The following SLC9A5 variants were observed in gnomAD, a reference collection of about 807,000 sequenced individuals.
The protein encoded by SLC9A5 is sodium/hydrogen exchanger 5.
In SLC9A5, 52 loss-of-function variants were observed where a neutral mutation model predicts 91.7. That is an observed-to-expected ratio of 0.57 (90% confidence interval 0.45 to 0.71). The LOEUF is 0.71. SLC9A5 is among the 30% of genes least tolerant of loss of function. SLC9A5 has a pLI of 0.00. For synonymous variants in SLC9A5, 419 were observed against 474.5 expected (o/e 0.88, Z 1.52); for missense variants, 871 against 1,158.9 (o/e 0.75, Z 3.61).
chr16:67,263,349 T>G (rs2035593063), intron 12 of SLC9A5: 1 of 152,042 alleles, frequency 6.6e-6, no homozygotes, highest in Non-Finnish European at 1.5e-5. Context: ...GACTTGGGAT[T>G]TGAGGCAAGA....
Position 67,257,445 on chromosome 16 carries a change from G to A in SLC9A5, c.1425+11G>A. On this transcript the variant is annotated intron_variant, in intron 8 of 15. Transcript: ENST00000299798. This position sits in a 1 kb window ranked among gnomAD's most constrained non-coding sequence, Gnocchi z 5.1. Reference sequence around the variant, plus strand: ...GAGCTGCATGAACACGTGGGTATCAGAACCCCAGCCCTCGCCTGTCCCTCT... The same window carrying A: ...GAGCTGCATGAACACGTGGGTATCAAAACCCCAGCCCTCGCCTGTCCCTCT... 6.2e-7 allele frequency: 1 copy of A among 1,614,016 alleles called. No homozygotes were observed. The highest frequency in any genetic ancestry group is 1.1e-5 in the South Asian group (1 of 91,076).
At chr16:67,259,281 A>AG (rs2035434980) in intron 10 of SLC9A5, among the ~76,000 whole-genome samples, 1 of 150,544 alleles carries the variant, frequency 6.6e-6, no homozygotes, top group South Asian at 2.1e-4. Context: ...AAAAAAAAAA[A>AG]AAAATCCGGG....
Position 67,255,950 on chromosome 16 carries a change from C to A in SLC9A5, c.911+20C>A. 4 of 1,608,258 alleles carry A rather than the reference C, an allele frequency of 2.5e-6. No homozygotes were observed. The highest frequency in any genetic ancestry group is 3.4e-6 in the Non-Finnish European group (4 of 1,176,988). On this transcript the variant is annotated intron_variant, in intron 5 of 15. Transcript: ENST00000299798. The surrounding 1 kb of genome is among the most constrained non-coding windows in gnomAD (Gnocchi z 4.9). ...TCTTGCGTGAGTTCTGGGGGCCTTG[C>A]AGGCAGATAGCTGGGAGGGGGCACT...
In SLC9A5 at chr16:67,270,588, G is replaced by A; in HGVS notation, c.2219-150G>A. ...GGGGATAGAGTGGAGAGTAAAACAA[G>A]CTGTGGTACTTCGCCTCAGCAAGAC... On this transcript the variant is annotated intron_variant, in intron 15 of 15. Transcript: ENST00000299798. The surrounding 1 kb of genome is among the most constrained non-coding windows in gnomAD (Gnocchi z 4.3). 1.7e-6 allele frequency: 1 copy of A among 601,212 alleles called. No individual in the cohort carries two copies. The allele number at this position is 601,212 out of a possible 1,614,324, so 37.2% of individuals were successfully genotyped here.
At chr16:67,269,375 T>C (rs945467190) in intron 15 of SLC9A5, among the ~76,000 whole-genome samples, 1 of 152,118 alleles carries the variant, frequency 6.6e-6, no homozygotes, top group African/African-American at 2.4e-5. Context: ...GAGACTGCAG[T>C]GAGCTGAGAT....
rs189607651 is a variant in SLC9A5, at chr16:67,254,886, C to G, written c.491-135C>G. The G allele has an allele frequency of 1.2e-4, 98 of 785,072 alleles. No homozygotes were observed. In the African/African-American group the frequency reaches 1.5e-3, roughly 12 times the overall value. The allele number at this position is 785,072 out of a possible 1,614,324, so 48.6% of individuals were successfully genotyped here. On this transcript the variant is annotated intron_variant, in intron 2 of 15. Coordinates refer to ENST00000299798, the MANE Select transcript of SLC9A5 (RefSeq NM_004594.3). Reference sequence around the variant, plus strand: ...CTCCTGATCTGCAGGCTAATGCTGTCTTTGCCATCCCAAGTCCTCTTTGGG... The same window carrying G: ...CTCCTGATCTGCAGGCTAATGCTGTGTTTGCCATCCCAAGTCCTCTTTGGG...
chr16:67,249,892 G>C (rs2035046735), intron 1 of SLC9A5, among the ~76,000 whole-genome samples: 1 of 152,190 alleles, frequency 6.6e-6, no homozygotes. Context: ...AGCATTGAAG[G>C]CTGTGCTTCA....
chr16:67,254,626 A>T (rs2035243453), intron 2 of SLC9A5, among the ~76,000 whole-genome samples: 1 of 152,144 alleles, frequency 6.6e-6, no homozygotes, highest in Non-Finnish European at 1.5e-5. Flanking sequence ...TGAACTCCTG[A>T]CCTCAGGTGA....
chr16:67,260,839 AC>A (rs1351649602), intron 12 of SLC9A5, among the ~76,000 whole-genome samples: 1 of 152,166 alleles, frequency 6.6e-6, no homozygotes, highest in Non-Finnish European at 1.5e-5. Flanking sequence ...GTCTGTTGCA[AC>A]CCCACAAGAG....
At position 67,271,556 on chromosome 16, in the gene SLC9A5, G is replaced by A; in HGVS notation, c.*346G>A. 4 of 287,740 alleles carry A rather than the reference G, an allele frequency of 1.4e-5. No homozygotes were observed. The highest frequency in any genetic ancestry group is 6.2e-5 in the South Asian group (1 of 16,052). 17.8% of individuals were successfully genotyped at this position (287,740 alleles called of 1,614,324 possible). On this transcript the variant is annotated 3_prime_UTR_variant, in exon 16 of 16. Coordinates refer to ENST00000299798, the MANE Select transcript of SLC9A5 (RefSeq NM_004594.3). ...ACTCTATAGGCAGCTGCTCCTGCCC[G>A]CAAAGCAAGAGCATCATTCCTATTC...
Position 67,252,420 on chromosome 16 carries a change from A to C in SLC9A5, c.188-122A>C, listed in dbSNP as rs1350045414. ...AGCTGAGATTGTGCTACTGCACTCC[A>C]GCTTGGGCAACAGAGTGAGACTTCA... On this transcript the variant is annotated intron_variant, in intron 1 of 15. Coordinates refer to ENST00000299798, the MANE Select transcript of SLC9A5 (RefSeq NM_004594.3). The surrounding 1 kb of genome is among the most constrained non-coding windows in gnomAD (Gnocchi z 4.0). 2 of 866,180 alleles carry C rather than the reference A, an allele frequency of 2.3e-6. No individual in the cohort carries two copies. Among genetic ancestry groups the C allele is most frequent in the Non-Finnish European group, 1.8e-6 (1 of 557,802 alleles). The allele number at this position is 866,180 out of a possible 1,614,324, so 53.7% of individuals were successfully genotyped here.
At chr16:67,249,268 C>A in intron 1 of SLC9A5, 67 bp downstream of exon 1, 6 of 1,245,504 alleles carry the variant, frequency 4.8e-6, no homozygotes, top group Non-Finnish European at 6.2e-6. Flanking sequence ...ACCCCCACCT[C>A]CTCGGTCCTC....
Position 67,266,123 on chromosome 16 carries a change from G to A in SLC9A5, c.2116G>A (p.Glu706Lys), listed in dbSNP as rs1293171125. The A allele has an allele frequency of 1.2e-6, 2 of 1,612,206 alleles. No homozygotes were observed. The highest frequency in any genetic ancestry group is 8.5e-7 in the Non-Finnish European group (1 of 1,179,162). ...ATTAACCGTGGAGTCTGAGGAGGAG[G>A]AGGAGGAGAGCGACAGTTCAGAGAC... ...VILTVESEEE[E>K]EESDSSETEK... Residue 706 changes from glutamate (E) to lysine (K), a missense_variant, in exon 15 of 16, where the codon GAG becomes AAG. Around this residue, in one of 3 missense-constraint regions of SLC9A5, gnomAD observed 295 missense variants for 326.0 expected, o/e 0.90. Coordinates refer to ENST00000299798, the MANE Select transcript of SLC9A5 (RefSeq NM_004594.3).
At chr16:67,249,606 C>T (rs779197571) in intron 1 of SLC9A5, among the ~76,000 whole-genome samples, 1 of 152,186 alleles carries the variant, frequency 6.6e-6, no homozygotes, top group Non-Finnish European at 1.5e-5. Context: ...CTCCCAAGAA[C>T]ACAGGCATCC....
At chr16:67,259,426 G>T in intron 10 of SLC9A5, 147 bp from the exon 11 acceptor site, 3 of 559,116 alleles carry the variant, frequency 5.4e-6, no homozygotes, top group East Asian at 3.2e-5. Context: ...TAGATTTTGT[G>T]AATTCGATAT....
Position 67,257,273 on chromosome 16 carries a change from CAT to C in SLC9A5, c.1336-71_1336-70del. ...GGTAGGGGTACTGAAGCTGAAGCCT[CAT>C]TACGGGGAGAGAAAGGCAGCAGGGA... On this transcript the variant is annotated intron_variant, in intron 7 of 15. Transcript: ENST00000299798. This position sits in a 1 kb window ranked among gnomAD's most constrained non-coding sequence, Gnocchi z 5.1. The C allele has an allele frequency of 3.5e-6, 5 of 1,445,450 alleles. No individual in the cohort carries two copies. The South Asian group carries it at 5.7e-5, about 17-fold the overall frequency. The allele number at this position is 1,445,450 out of a possible 1,614,324, so 89.5% of individuals were successfully genotyped here.
chr16:67,249,696 C>G (rs2035038511), intron 1 of SLC9A5, among the ~76,000 whole-genome samples: 1 of 152,170 alleles, frequency 6.6e-6, no homozygotes, highest in African/African-American at 2.4e-5. Context: ...CACTTTTCCT[C>G]CAGCTCTCCC....
rs1267200167 is a variant in SLC9A5 at position 67,271,978 on chromosome 16, G to C, written c.*768G>C. 6.6e-6 allele frequency: 1 copy of C among 152,204 alleles called. No individual in the cohort carries two copies. Among genetic ancestry groups the C allele is most frequent in the African/African-American group, 2.4e-5 (1 of 41,436 alleles). 9.4% of individuals were successfully genotyped at this position (152,204 alleles called of 1,614,324 possible). Reference sequence around the variant, plus strand: ...TTGGGTCTGGGTTTTTTGAGGAGGGGACATAGTGGCCTCTGGGCTGCCATG... The same window carrying C: ...TTGGGTCTGGGTTTTTTGAGGAGGGCACATAGTGGCCTCTGGGCTGCCATG... On this transcript the variant is annotated 3_prime_UTR_variant, in exon 16 of 16. Coordinates refer to ENST00000299798, the MANE Select transcript of SLC9A5 (RefSeq NM_004594.3).
rs200267215 is a variant in SLC9A5, at chr16:67,266,232, G to A, written c.2218+7G>A. ...CAAGAGGGCAAGGTCTCAGGTAATG[G>A]CTTCCTCCCTGCCCACCTCCCCTCT... On this transcript the variant is annotated splice_region_variant and intron_variant, in intron 15 of 15. Coordinates refer to ENST00000299798, the MANE Select transcript of SLC9A5 (RefSeq NM_004594.3). 5.0e-5 allele frequency: 80 copies of A among 1,587,866 alleles called. No individual in the cohort carries two copies. In the African/African-American group the frequency reaches 9.4e-4, roughly 19 times the overall value.
Sources: allele counts gnomAD v4.1 joint callset (sites outside exome capture counted in the v4.1 genomes callset), GRCh38; gene constraint gnomAD v4.1.1; regional missense constraint gnomAD v4.1.1; non-coding constraint Gnocchi (gnomAD v3.1); transcripts MANE v1.5; gene names NCBI Gene and HGNC (gene_info 2026-07-23, HGNC 2026-07-21).